The following ADAMTSL1 variants were observed in gnomAD, a reference collection of about 807,000 sequenced individuals.
The protein encoded by ADAMTSL1 is ADAMTS-like protein 1.
ADAMTSL1 carries 126 observed loss-of-function variants against 201.8 expected under a neutral mutation model. The observed-to-expected ratio is 0.62, with a 90% CI of 0.54 to 0.72. ADAMTSL1 has a LOEUF of 0.72. Ranked by LOEUF, ADAMTSL1 falls within the 30% of genes least tolerant of loss-of-function variation. The pLI is 0.00. For synonymous variants in ADAMTSL1, 1,121 were observed against 903.4 expected (o/e 1.24, Z -4.32); for missense variants, 2,679 against 2,277.8 (o/e 1.18, Z -3.59).
chr9:18,704,550 T>C (rs1189105068), intron 13 of ADAMTSL1, among the ~76,000 whole-genome samples: 1 of 152,222 alleles, frequency 6.6e-6, no homozygotes, highest in Non-Finnish European at 1.5e-5. Context: ...TACAAAATAG[T>C]TGAGCATGCA....
At chr9:17,952,957 T>C (rs1050473550) in intron 1 of ADAMTSL1, among the ~76,000 whole-genome samples, 50 of 129,922 alleles carry the variant, frequency 3.8e-4, no homozygotes, top group African/African-American at 1.3e-3. Context: ...TCCTCCTCCT[T>C]CTTCAGAATG....
chr9:18,318,558 A>G lies in ADAMTSL1; in HGVS notation c.207+154577A>G, dbSNP rs1002981712. Among the ~76,000 whole-genome samples the G allele has an allele frequency of 4.6e-5, 7 of 152,186 alleles. No homozygotes were observed. The East Asian group carries it at 5.8e-4, about 13-fold the overall frequency. The stretch of plus-strand genomic sequence containing the variant: ...TTTAAAAACATTTTAGCAACCTGAT[A>G]TACATTCCTAATTCTTTCTGAACCA... On this transcript the variant is annotated intron_variant, in intron 2 of 29. Transcript: ENST00000680146.
intron 3 of ADAMTSL1, among the ~76,000 whole-genome samples, chr9:18,559,407 T>C (rs1174208854): frequency 6.6e-6 from 1 of 152,218 alleles, no homozygotes; most frequent in Non-Finnish European, 1.5e-5. Context: ...TTGGTTACTG[T>C]AGCCTTGTAA....
intron 25 of ADAMTSL1, 49 bp downstream of exon 25, chr9:18,889,797 C>T: frequency 2.9e-6 from 4 of 1,399,532 alleles, no homozygotes; most frequent in Non-Finnish European, 3.7e-6. Flanking sequence ...AGGAGGAGCC[C>T]TCCCTGTTAG....
chr9:18,328,259 G>T (rs557633398), intron 2 of ADAMTSL1, among the ~76,000 whole-genome samples: 4 of 152,096 alleles, frequency 2.6e-5, no homozygotes, highest in African/African-American at 9.7e-5. Context: ...ATAATGACCC[G>T]CAGTTCTTAT....
chr9:18,872,438 C>G lies in ADAMTSL1; in HGVS notation c.4250-15393C>G, dbSNP rs184153697. ...CTGAGATTTTGGTGCACCCATCACC[C>G]AAGCAGTGTGCACTGTACCCAATGT... On this transcript the variant is annotated intron_variant, in intron 23 of 28. Transcript: ENST00000380548. Among the ~76,000 whole-genome samples the G allele has an allele frequency of 2.4e-3, 370 of 152,254 alleles. 1 individual carries two copies. Among genetic ancestry groups the G allele is most frequent in the African/African-American group, 8.0e-3 (332 of 41,556 alleles).
chr9:18,586,135 A>C (rs1317916972), intron 4 of ADAMTSL1, among the ~76,000 whole-genome samples: 1 of 152,174 alleles, frequency 6.6e-6, no homozygotes, highest in African/African-American at 2.4e-5. Flanking sequence ...AATAGGAAGA[A>C]AGGAAGTCAC....
intron 2 of ADAMTSL1, among the ~76,000 whole-genome samples, chr9:18,443,159 G>C (rs1035160463): frequency 3.3e-5 from 5 of 152,154 alleles, no homozygotes; most frequent in Admixed American, 2.6e-4. Flanking sequence ...ATTTTATAGG[G>C]ATAAGGAGCC....
At chr9:18,714,619 C>A (rs1047491039) in intron 14 of ADAMTSL1, among the ~76,000 whole-genome samples, 10 of 143,238 alleles carry the variant, frequency 7.0e-5, no homozygotes, top group African/African-American at 1.7e-4. Flanking sequence ...GCTTACCAAC[C>A]AAAAAGAGTC....
intron 4 of ADAMTSL1, among the ~76,000 whole-genome samples, chr9:18,584,366 G>GC (rs1422113519): frequency 4.3e-5 from 6 of 139,422 alleles, no homozygotes; most frequent in African/African-American, 2.8e-5. Flanking sequence ...ATGATTGTGA[G>GC]GCCCCCCCCA....
intron 2 of ADAMTSL1, among the ~76,000 whole-genome samples, chr9:18,380,001 G>A (rs1837483095): frequency 6.6e-6 from 1 of 152,078 alleles, no homozygotes; most frequent in Admixed American, 6.6e-5. Context: ...GAGTAGCCAG[G>A]GGCTGTTAAA....
chr9:18,121,816 C>T (rs1246906711), intron 1 of ADAMTSL1, among the ~76,000 whole-genome samples: 1 of 152,108 alleles, frequency 6.6e-6, no homozygotes, highest in Non-Finnish European at 1.5e-5. Context: ...GTGACCATTT[C>T]TGCTACTTGT....
At chr9:17,984,032 GAATGT>G (rs1440295228) in intron 1 of ADAMTSL1, among the ~76,000 whole-genome samples, 1 of 152,088 alleles carries the variant, frequency 6.6e-6, no homozygotes, top group Non-Finnish European at 1.5e-5. Flanking sequence ...TAGATTTAAG[GAATGT>G]AAGACTTTAC....
At position 18,887,888 on chromosome 9, in the gene ADAMTSL1, C is replaced by T. The variant is rs1829001271; in HGVS notation, c.4307C>T (p.Pro1436Leu). 2 of 1,613,810 alleles carry T rather than the reference C, an allele frequency of 1.2e-6. No individual in the cohort carries two copies. The highest frequency in any genetic ancestry group is 1.7e-5 in the Admixed American group (1 of 59,998). Residue 1436 changes from proline to leucine, a missense_variant, in exon 24 of 29, where the codon CCA becomes CTA. Pro to Leu is a moderately conservative substitution (Grantham distance 98). Coordinates refer to ENST00000380548, the MANE Select transcript of ADAMTSL1 (RefSeq NM_001040272.6). Reference protein sequence around the residue: ...PNITWFHGGQPIVTATGLTHH... With the variant: ...PNITWFHGGQLIVTATGLTHH... Reference sequence around the variant, plus strand: ...ATCACCTGGTTTCATGGTGGTCAGCCAATTGTCACTGCCACAGGACTGACG... The same window carrying T: ...ATCACCTGGTTTCATGGTGGTCAGCTAATTGTCACTGCCACAGGACTGACG...
At chr9:18,152,861 T>C (rs1043702431) in intron 1 of ADAMTSL1, among the ~76,000 whole-genome samples, 1 of 151,974 alleles carries the variant, frequency 6.6e-6, no homozygotes, top group Non-Finnish European at 1.5e-5. Flanking sequence ...CTCTCACATA[T>C]TCTCACTTCT....
chr9:18,083,221 C>T (rs1823591154), intron 1 of ADAMTSL1, among the ~76,000 whole-genome samples: 1 of 152,108 alleles, frequency 6.6e-6, no homozygotes, highest in Non-Finnish European at 1.5e-5. Context: ...CAGTGATAGG[C>T]TGGGGGACCT....
intron 1 of ADAMTSL1, among the ~76,000 whole-genome samples, chr9:18,100,375 G>A (rs180991367): frequency 1.3e-5 from 2 of 152,150 alleles, no homozygotes; most frequent in African/African-American, 4.8e-5. Flanking sequence ...GGAACTTCCG[G>A]GCTCAAGCAA....
intron 13 of ADAMTSL1, among the ~76,000 whole-genome samples, chr9:18,705,347 A>G (rs573539057): frequency 6.6e-5 from 10 of 152,288 alleles, no homozygotes; most frequent in Non-Finnish European, 1.3e-4. Flanking sequence ...TTTTGTCTGA[A>G]TTACACTAAC....
intron 4 of ADAMTSL1, among the ~76,000 whole-genome samples, chr9:18,601,170 A>G (rs1312792271): frequency 6.6e-6 from 1 of 152,200 alleles, no homozygotes; most frequent in Non-Finnish European, 1.5e-5. Flanking sequence ...TTCCTGGTGA[A>G]ATACATATAC....
Sources: allele counts gnomAD v4.1 joint callset (sites outside exome capture counted in the v4.1 genomes callset), GRCh38; gene constraint gnomAD v4.1.1; transcripts MANE v1.5; gene names NCBI Gene and HGNC (gene_info 2026-07-23, HGNC 2026-07-21).